Variants in FES observed in about 807,000 individuals in gnomAD.
The protein encoded by FES is FES proto-oncogene, tyrosine kinase, also known as tyrosine-protein kinase Fes/Fps.
In FES, 83 loss-of-function variants were observed where a neutral mutation model predicts 109.6. That is an observed-to-expected ratio of 0.76 (90% confidence interval 0.63 to 0.91). FES has a LOEUF of 0.91. Ranked by LOEUF, FES falls within the 40% of genes least tolerant of loss-of-function variation. FES has a pLI of 0.00. For synonymous variants in FES, 458 were observed against 442.1 expected (o/e 1.04, Z -0.45); for missense variants, 943 against 1,070.9 (o/e 0.88, Z 1.67).
intron 11 of FES, 96 bp from the exon 12 acceptor site, chr15:90,891,458 C>G (rs757632334): frequency 5.2e-6 from 8 of 1,542,696 alleles, no homozygotes; most frequent in Middle Eastern, 1.7e-4. Context: ...TGGTCCTGGG[C>G]AGGCCCTTTC....
intron 13 of FES, chr15:90,892,458 C>T: frequency 1.7e-6 from 1 of 581,886 alleles, no homozygotes; most frequent in Non-Finnish European, 3.1e-6. Flanking sequence ...CTTTTCAAAC[C>T]CAAGGGAGAG....
chr15:90,892,959 T>A (rs1350541088), intron 14 of FES, 134 bp downstream of exon 14: 10 of 1,306,838 alleles, frequency 7.7e-6, no homozygotes, highest in Admixed American at 1.9e-5. Flanking sequence ...TACCCCCTTA[T>A]AGTGCCGAAG....
At position 90,889,036 on chromosome 15, in the gene FES, G is replaced by A. The variant is rs777510995; in HGVS notation, c.669-270G>A. Among the ~76,000 whole-genome samples, 8 of 152,156 alleles carry A rather than the reference G, an allele frequency of 5.3e-5. No homozygotes were observed. Among genetic ancestry groups the A allele is most frequent in the South Asian group, 2.1e-4 (1 of 4,832 alleles). ...CGAACTGACCTCAGGCAATCCACCC[G>A]CCTCGACCTCCCAGTGTTGGTATTA... is the stretch of plus-strand genomic sequence containing the variant. On this transcript the variant is annotated intron_variant, in intron 5 of 18. Transcript: ENST00000328850. This position sits in a 1 kb window ranked among gnomAD's most constrained non-coding sequence, Gnocchi z 6.1.
intron 3 of FES, 48 bp downstream of exon 3, chr15:90,885,633 G>T (rs1324863936): frequency 6.3e-7 from 1 of 1,583,410 alleles, no homozygotes; most frequent in South Asian, 1.2e-5. Context: ...TAAATTTTGA[G>T]CCTCGAAGGG....
At position 90,885,216 on chromosome 15, in the gene FES, G is replaced by A. The variant is rs151068669; in HGVS notation, c.171G>A (p.Gly57=). ...LLHHMSLQDS[G]GQSRAISPDS... Reference sequence around the variant, plus strand: ...ACCACATGTCCCTGCAGGACAGTGGGGGCCAGAGCCGGGCCATCAGCCCTG... The same window carrying A: ...ACCACATGTCCCTGCAGGACAGTGGAGGCCAGAGCCGGGCCATCAGCCCTG... The change falls in exon 2 of 19, where the codon GGG becomes GGA. Residue 57 remains glycine (G), a synonymous_variant. Coordinates refer to ENST00000328850, the MANE Select transcript of FES (RefSeq NM_002005.4). 3.2e-4 allele frequency: 514 copies of A among 1,613,530 alleles called. No individual in the cohort carries two copies. The highest frequency in any genetic ancestry group is 3.8e-4 in the Non-Finnish European group (454 of 1,179,992).
rs767359201 is a variant in FES, at chr15:90,889,651, T to A, written c.926+15T>A. ...GTGCAGCACACGTGGGTGGTGGCTT[T>A]GCACCTGGGCTGCGGCGGGGCTCCC... On this transcript the variant is annotated intron_variant, in intron 7 of 18. Coordinates refer to ENST00000328850, the MANE Select transcript of FES (RefSeq NM_002005.4). The surrounding 1 kb of genome is among the most constrained non-coding windows in gnomAD (Gnocchi z 6.1). 4 of 1,612,302 alleles carry A rather than the reference T, an allele frequency of 2.5e-6. No homozygotes were observed. In the Admixed American group the frequency reaches 6.7e-5, roughly 27 times the overall value.
Position 90,889,113 on chromosome 15 carries a change from T to C in FES, c.669-193T>C. The C allele has an allele frequency of 1.5e-6, 1 of 661,870 alleles. No individual in the cohort carries two copies. 41.0% of individuals were successfully genotyped at this position (661,870 alleles called of 1,614,324 possible). A position where few individuals can be genotyped will look rare whatever the true frequency, so the allele number is the denominator to read the frequency against. The stretch of plus-strand genomic sequence containing the variant: ...ACTGGATCCTTATTACAACTGCCAG[T>C]GTCCCTCTTATATATATCAGGAAAT... On this transcript the variant is annotated intron_variant, in intron 5 of 18. Coordinates refer to ENST00000328850, the MANE Select transcript of FES (RefSeq NM_002005.4). This position sits in a 1 kb window ranked among gnomAD's most constrained non-coding sequence, Gnocchi z 6.1.
intron 1 of FES, 76 bp from the exon 2 acceptor site, chr15:90,884,961 C>T: frequency 8.0e-7 from 1 of 1,244,510 alleles, no homozygotes; most frequent in South Asian, 1.4e-5. Context: ...ACCCTACAGT[C>T]CCCAGTCTCC....
At chr15:90,886,500 G>A (rs965356245) in intron 3 of FES, among the ~76,000 whole-genome samples, 4 of 152,226 alleles carry the variant, frequency 2.6e-5, no homozygotes, top group East Asian at 1.9e-4. Flanking sequence ...GAACTGGGAC[G>A]AGAACACTGA....
chr15:90,893,314 C>A lies in FES; in HGVS notation c.1945C>A (p.Arg649Ser). Residue 649 changes from arginine to serine, a missense_variant, in exon 16 of 19, where the codon CGC (arginine) becomes AGC (serine). Arg to Ser is a moderately radical substitution (Grantham distance 110). Coordinates refer to ENST00000328850, the MANE Select transcript of FES (RefSeq NM_002005.4). ...VQGGDFLTFL[R>S]TEGARLRVKT... ...AGGGGGCGACTTCCTGACCTTCCTC[C>A]GCACGGAGGGGGCCCGCCTGCGGGT... The A allele has an allele frequency of 6.4e-7, 1 of 1,572,304 alleles. No individual in the cohort carries two copies. The highest frequency in any genetic ancestry group is 1.2e-5 in the South Asian group (1 of 82,446).
At chr15:90,884,868 C>T in intron 1 of FES, 169 bp from the exon 2 acceptor site, 1 of 636,080 alleles carries the variant, frequency 1.6e-6, no homozygotes, top group Non-Finnish European at 2.8e-6. Flanking sequence ...GGGCCAGTCC[C>T]CAGGCCAGGC....
rs1272367704 is a variant in FES, at chr15:90,889,877, G to A, written c.964G>A (p.Glu322Lys). 19 of 1,613,468 alleles carry A rather than the reference G, an allele frequency of 1.2e-5. No individual in the cohort carries two copies. Among genetic ancestry groups the A allele is most frequent in the Non-Finnish European group, 1.5e-5 (18 of 1,179,968 alleles). ...GACAGATGAGCTGGCTGTGGCCACCGAGATGGTGTTCAGGCGGCAGGAGAT... is the reference window on the plus strand; with the variant it reads ...GACAGATGAGCTGGCTGTGGCCACCAAGATGGTGTTCAGGCGGCAGGAGAT... ...SVTDELAVATEMVFRRQEMVT... is the reference protein window; with the variant it reads ...SVTDELAVATKMVFRRQEMVT... Residue 322 changes from glutamate (E) to lysine (K), a missense_variant, in exon 8 of 19, where the codon GAG becomes AAG. Physicochemically the swap from Glu to Lys is moderately conservative, Grantham distance 56. Coordinates refer to ENST00000328850, the MANE Select transcript of FES (RefSeq NM_002005.4). The surrounding 1 kb of genome is among the most constrained non-coding windows in gnomAD (Gnocchi z 6.1).
intron 18 of FES, among the ~76,000 whole-genome samples, chr15:90,894,793 G>T (rs568570660): frequency 6.6e-6 from 1 of 151,626 alleles, no homozygotes; most frequent in Non-Finnish European, 1.5e-5. Context: ...AAACCTGGGC[G>T]CAGTGGCTCA....
At chr15:90,894,660 G>A (rs1045152841) in intron 18 of FES, among the ~76,000 whole-genome samples, 2 of 152,216 alleles carry the variant, frequency 1.3e-5, no homozygotes, top group African/African-American at 4.8e-5. Flanking sequence ...CTGCTACTCG[G>A]GAGGCTGAGG....
At position 90,889,759 on chromosome 15, in the gene FES, T is replaced by A; in HGVS notation, c.927-81T>A. 3.1e-6 allele frequency: 5 copies of A among 1,604,572 alleles called. No individual in the cohort carries two copies. The highest frequency in any genetic ancestry group is 4.3e-6 in the Non-Finnish European group (5 of 1,174,768). On this transcript the variant is annotated intron_variant, in intron 7 of 18. Coordinates refer to ENST00000328850, the MANE Select transcript of FES (RefSeq NM_002005.4). This position sits in a 1 kb window ranked among gnomAD's most constrained non-coding sequence, Gnocchi z 6.1. ...GCTGTCACCAGGTGGCCGGGCTTGCTTGGCTCTACAGGGATGCACTGGACC... is the reference window on the plus strand; with the variant it reads ...GCTGTCACCAGGTGGCCGGGCTTGCATGGCTCTACAGGGATGCACTGGACC...
rs776229552 is a variant in FES at position 90,887,299 on chromosome 15, C to T, written c.597C>T (p.His199=). 1.9e-6 allele frequency: 3 copies of T among 1,613,262 alleles called. No homozygotes were observed. Among genetic ancestry groups the T allele is most frequent in the East Asian group, 2.2e-5 (1 of 44,890 alleles). Residue 199 remains histidine (H), a synonymous_variant, in exon 5 of 19, where the codon CAC becomes CAT. Coordinates refer to ENST00000328850, the MANE Select transcript of FES (RefSeq NM_002005.4). ...GVRAAQLHHQ[H]HHQLLLPGLL... Reference sequence around the variant, plus strand: ...GGGCTGCGCAGCTACACCACCAGCACCACCACCAGCTCCTGCTGCCCGGCC... The same window carrying T: ...GGGCTGCGCAGCTACACCACCAGCATCACCACCAGCTCCTGCTGCCCGGCC...
chr15:90,884,768 TG>T (rs1368161906), intron 1 of FES: 14 of 383,188 alleles, frequency 3.7e-5, no homozygotes, highest in Middle Eastern at 7.0e-4. Context: ...CTGTAAGGGG[TG>T]GTGGGTGGAA....
intron 17 of FES, 58 bp from the exon 18 acceptor site, chr15:90,893,878 C>T (rs1000197988): frequency 4.0e-5 from 64 of 1,608,956 alleles, no homozygotes; most frequent in Non-Finnish European, 5.1e-5. Context: ...CCGGCTGCCT[C>T]GCCCTGGCCC....
At position 90,885,148 on chromosome 15, in the gene FES, G is replaced by A; in HGVS notation, c.103G>A (p.Ala35Thr). 1 of 1,613,980 alleles carries A rather than the reference G, an allele frequency of 6.2e-7. No homozygotes were observed. The highest frequency in any genetic ancestry group is 1.6e-4 in the Middle Eastern group (1 of 6,062). ...RLLEGMRKWM[A>T]QRVKSDREYA... ...ACTGGAGGGCATGAGAAAGTGGATGGCCCAGCGGGTCAAGAGTGACAGGGA... is the reference window on the plus strand; with the variant it reads ...ACTGGAGGGCATGAGAAAGTGGATGACCCAGCGGGTCAAGAGTGACAGGGA... Residue 35 changes from alanine (A) to threonine (T), a missense_variant, in exon 2 of 19, where the codon GCC becomes ACC. Ala to Thr is a moderately conservative substitution (Grantham distance 58, BLOSUM62 0). Coordinates refer to ENST00000328850, the MANE Select transcript of FES (RefSeq NM_002005.4).
Sources: allele counts gnomAD v4.1 joint callset (sites outside exome capture counted in the v4.1 genomes callset), GRCh38; gene constraint gnomAD v4.1.1; non-coding constraint Gnocchi (gnomAD v3.1); transcripts MANE v1.5; gene names NCBI Gene and HGNC (gene_info 2026-07-23, HGNC 2026-07-21).